DAB1: variants seen among roughly 807,000 people sequenced by gnomAD.
The protein encoded by DAB1 is DAB adaptor protein 1.
DAB1 carries 15 observed loss-of-function variants against 64.6 expected under a neutral mutation model. The observed-to-expected ratio is 0.23, with a 90% CI of 0.16 to 0.36. The LOEUF (loss-of-function observed/expected upper bound fraction) is 0.36. DAB1 is among the 10% of genes least tolerant of loss of function. The pLI is 1.00. For missense variants in DAB1, 596 were observed against 706.7 expected (o/e 0.84, Z 1.78); for synonymous variants, 235 against 251.9 (o/e 0.93, Z 0.64).
intron 3 of DAB1, among the ~76,000 whole-genome samples, chr1:58,380,618 T>C (rs905243769): frequency 6.6e-6 from 1 of 152,232 alleles, no homozygotes; most frequent in African/African-American, 2.4e-5. Flanking sequence ...TCTTAGGTTG[T>C]CATCAGCTTT....
intron 3 of DAB1, among the ~76,000 whole-genome samples, chr1:58,494,834 G>A (rs574845805): frequency 3.9e-5 from 6 of 152,180 alleles, no homozygotes; most frequent in Admixed American, 3.9e-4. Flanking sequence ...CTGTAAACTA[G>A]TTCAAACATT....
At chr1:58,451,305 C>T (rs1256624882) in intron 3 of DAB1, among the ~76,000 whole-genome samples, 1 of 152,158 alleles carries the variant, frequency 6.6e-6, no homozygotes, top group East Asian at 1.9e-4. Context: ...TTTGCCCAGG[C>T]TGATCTCGAC....
intron 5 of DAB1, among the ~76,000 whole-genome samples, chr1:58,017,638 CT>C (rs1646759868): frequency 6.6e-6 from 1 of 152,190 alleles, no homozygotes; most frequent in Non-Finnish European, 1.5e-5. Flanking sequence ...TTGGCCCTGC[CT>C]CACCTTCAAG....
At chr1:57,522,359 G>A (rs1644537839) in intron 7 of DAB1, among the ~76,000 whole-genome samples, 1 of 152,128 alleles carries the variant, frequency 6.6e-6, no homozygotes, top group Admixed American at 6.5e-5. Context: ...CAGACACAAG[G>A]CACAGTGAAG....
At chr1:57,554,476 T>G (rs1338284861) in intron 7 of DAB1, among the ~76,000 whole-genome samples, 1 of 152,148 alleles carries the variant, frequency 6.6e-6, no homozygotes, top group Non-Finnish European at 1.5e-5. Flanking sequence ...ACTAACTTGT[T>G]TGTGTTGTTT....
chr1:57,887,992 A>G (rs1229770871), upstream of DAB1, among the ~76,000 whole-genome samples: 4 of 152,192 alleles, frequency 2.6e-5, no homozygotes, highest in Non-Finnish European at 2.9e-5. Context: ...AGTTTTCCAT[A>G]CTGGTATGTT....
chr1:57,866,153 C>T (rs1349863182), intron 1 of DAB1: 3 of 152,164 alleles, frequency 2.0e-5, no homozygotes, highest in African/African-American at 7.2e-5. Context: ...ATGACTCATT[C>T]TTCATTGATG....
At chr1:58,246,981 G>C (rs944877306) in intron 4 of DAB1, among the ~76,000 whole-genome samples, 10 of 152,064 alleles carry the variant, frequency 6.6e-5, no homozygotes, top group African/African-American at 9.7e-5. Context: ...GAAAGGCCTT[G>C]AAGTCTATAG....
intron 3 of DAB1, among the ~76,000 whole-genome samples, chr1:58,365,392 A>G (rs1020222390): frequency 1.4e-4 from 21 of 152,156 alleles, no homozygotes; most frequent in Non-Finnish European, 1.5e-5. Context: ...GAGAGTCTGG[A>G]GCTGTCAGTT....
intron 3 of DAB1, among the ~76,000 whole-genome samples, chr1:58,400,552 T>G (rs376132391): frequency 6.6e-6 from 1 of 152,076 alleles, no homozygotes; most frequent in Non-Finnish European, 1.5e-5. Flanking sequence ...GCAGATACAA[T>G]AGAATCATAA....
rs556838133 is a variant in DAB1, at chr1:57,324,551, GTGCGCATTAGAGAGGAGAATGA to G, written c.-136-33407_-136-33386del. Among the ~76,000 whole-genome samples, 392 of 152,242 alleles carry G rather than the reference GTGCGCATTAGAGAGGAGAATGA, an allele frequency of 2.6e-3. 4 individuals are homozygous for G. The highest frequency in any genetic ancestry group is 8.6e-3 in the African/African-American group (357 of 41,554). On this transcript the variant is annotated intron_variant, in intron 1 of 14. Transcript: ENST00000371236. ...GTCCATAAAAAACATTCAATTAGCA[GTGCGCATTAGAGAGGAGAATGA>G]TGCGCATTAGAGAGGAGAATGATGA...
At chr1:58,520,772 CAAGT>C (rs2100451558) in intron 2 of DAB1, among the ~76,000 whole-genome samples, 1 of 152,020 alleles carries the variant, frequency 6.6e-6, no homozygotes, top group African/African-American at 2.4e-5. Flanking sequence ...AACAATCTAA[CAAGT>C]ATGTATATTA....
rs569579832 is a variant in DAB1 at position 58,005,621 on chromosome 1, A to T, written n.388-121459T>A. Among the ~76,000 whole-genome samples the T allele has an allele frequency of 4.3e-4, 65 of 151,936 alleles. No homozygotes were observed. In the South Asian group the frequency reaches 0.014, roughly 32 times the overall value. On this transcript the variant is annotated intron_variant and non_coding_transcript_variant, in intron 5 of 20. Coordinates refer to the DAB1 transcript ENST00000485760. ...GCCTGCCTTGGTTAAAAAAAAAAAA[A>T]AAAAAGGCAGTGCCTCAAGATGCAA...
At chr1:57,634,099 C>A (rs1461657011) in intron 7 of DAB1, among the ~76,000 whole-genome samples, 2 of 152,170 alleles carry the variant, frequency 1.3e-5, no homozygotes, top group Non-Finnish European at 2.9e-5. Flanking sequence ...ATCCTAGGTT[C>A]AAGACCTGCC....
intron 2 of DAB1, among the ~76,000 whole-genome samples, chr1:57,150,913 T>C (rs1659604451): frequency 6.6e-6 from 1 of 152,138 alleles, no homozygotes. Flanking sequence ...CCCAGCACTT[T>C]GAGAGGCCAA....
intron 4 of DAB1, among the ~76,000 whole-genome samples, chr1:57,131,648 T>A (rs1657658484): frequency 1.3e-5 from 2 of 152,200 alleles, no homozygotes; most frequent in African/African-American, 4.8e-5. Context: ...TTGTTTTTGA[T>A]GAGGCACAAA....
At chr1:57,961,924 A>G (rs572099766) in intron 5 of DAB1, among the ~76,000 whole-genome samples, 1 of 151,988 alleles carries the variant, frequency 6.6e-6, no homozygotes, top group African/African-American at 2.4e-5. Flanking sequence ...GTGAGTTGAG[A>G]TCACGCCATT....
chr1:58,126,672 T>C (rs1239203169), intron 5 of DAB1, among the ~76,000 whole-genome samples: 70 of 143,666 alleles, frequency 4.9e-4, no homozygotes, highest in Middle Eastern at 3.6e-3. Flanking sequence ...TGTGATCTCA[T>C]TGTTCAATTC....
At position 56,995,563 on chromosome 1, in the gene DAB1, C is replaced by G. The variant is rs1038480002; in HGVS notation, c.*2581G>C. On this transcript the variant is annotated 3_prime_UTR_variant, in exon 15 of 15. Transcript: ENST00000371236. ...AAAGAGGACAATTCTCCTGGACTTT[C>G]ACCTTCTGCTAGGAAATTAACTCCA... 3.3e-5 allele frequency: 5 copies of G among 152,222 alleles called. No individual in the cohort carries two copies. Among genetic ancestry groups the G allele is most frequent in the African/African-American group, 7.2e-5 (3 of 41,458 alleles). 9.4% of individuals were successfully genotyped at this position (152,222 alleles called of 1,614,324 possible). A position where few individuals can be genotyped will look rare whatever the true frequency, so the allele number is the denominator to read the frequency against.
Sources: allele counts gnomAD v4.1 joint callset (sites outside exome capture counted in the v4.1 genomes callset), GRCh38; gene constraint gnomAD v4.1.1; transcripts MANE v1.5; gene names NCBI Gene and HGNC (gene_info 2026-07-23, HGNC 2026-07-21).